Variants in SHPK observed in about 807,000 individuals in gnomAD.
SHPK encodes the protein sedoheptulokinase.
A neutral mutation model predicts 46.3 loss-of-function variants in SHPK; 51 were observed. The observed-to-expected ratio is 1.10, with a 90% CI of 0.88 to 1.39. The LOEUF (loss-of-function observed/expected upper bound fraction) is 1.39. Ranked by LOEUF, SHPK falls within the 40% of genes most tolerant of loss-of-function variation. The probability of loss-of-function intolerance (pLI) is 0.00; values close to 1 mark genes in which losing one functional copy is unlikely to be tolerated. For synonymous variants in SHPK, 290 were observed against 273.9 expected (o/e 1.06, Z -0.58); for missense variants, 668 against 641.3 (o/e 1.04, Z -0.45).
Position 3,623,470 on chromosome 17 carries a change from G to T in SHPK, c.516C>A (p.Tyr172Ter), listed in dbSNP as rs538187992. The T allele has an allele frequency of 1.2e-6, 2 of 1,614,008 alleles. No individual in the cohort carries two copies. Among genetic ancestry groups the T allele is most frequent in the African/African-American group, 2.7e-5 (2 of 74,908 alleles). Residue 172 changes from tyrosine (Y) to a stop codon, truncating the protein, a stop_gained, in exon 4 of 7, where the codon TAC (tyrosine) becomes TAA (stop). Transcript: ENST00000225519. LOFTEE classifies it high-confidence loss of function. ...AGTCGTGGATGGTACCGGCTGCGTC[G>T]TAGGACTTCAGGAACTCTGGGCTGT... ...LKYRPEFLKS[Y>*]DAAGTIHDYV...
chr17:3,636,239 G>A lies in SHPK; in HGVS notation c.-20C>T, dbSNP rs1440740029. 3.2e-6 allele frequency: 5 copies of A among 1,581,424 alleles called. No individual in the cohort carries two copies. The highest frequency in any genetic ancestry group is 4.3e-6 in the Non-Finnish European group (5 of 1,159,158). ...AGCCATTATCTCCCTGACCCGCGCA[G>A]CTCCAGTCTGCAGCCAGCGGCCCCA... On this transcript the variant is annotated 5_prime_UTR_variant, in exon 1 of 7. Transcript: ENST00000225519.
At chr17:3,624,323 T>C in intron 2 of SHPK, 92 bp from the exon 3 acceptor site, 1 of 1,187,334 alleles carries the variant, frequency 8.4e-7, no homozygotes, top group Non-Finnish European at 1.2e-6. Flanking sequence ...AGTGACAAAA[T>C]ATGTGCGAAT....
intron 2 of SHPK, among the ~76,000 whole-genome samples, chr17:3,629,801 C>A (rs541680120): frequency 6.6e-6 from 1 of 151,820 alleles, no homozygotes; most frequent in South Asian, 2.1e-4. Flanking sequence ...ACAAATGTGC[C>A]CCAATTCAAA....
Position 3,630,299 on chromosome 17 carries a change from G to A in SHPK, c.216C>T (p.Cys72=), listed in dbSNP as rs1267719403. ...VSRILQALHE[C]LAALPRPQLR... is the part of the protein sequence containing the mutation. ...GCTGGGGTCGGGGAAGGGCAGCAAG[G>A]CACTCGTGTAGGGCTTGGAGGATTC... The change falls in exon 2 of 7, where the codon TGC becomes TGT. Residue 72 remains cysteine, a synonymous_variant. Coordinates refer to ENST00000225519, the MANE Select transcript of SHPK (RefSeq NM_013276.4). 2 of 1,613,588 alleles carry A rather than the reference G, an allele frequency of 1.2e-6. No homozygotes were observed. The highest frequency in any genetic ancestry group is 3.3e-5 in the Admixed American group (2 of 60,014).
intron 2 of SHPK, among the ~76,000 whole-genome samples, chr17:3,629,387 A>T (rs2150874469): frequency 6.6e-6 from 1 of 152,276 alleles, no homozygotes; most frequent in South Asian, 2.1e-4. Flanking sequence ...GCACTGTGGC[A>T]GATCTTCATA....
chr17:3,618,605 C>A (rs1405774499), intron 5 of SHPK, among the ~76,000 whole-genome samples: 1 of 151,904 alleles, frequency 6.6e-6, no homozygotes, highest in Non-Finnish European at 1.5e-5. Context: ...CATGGTGAAA[C>A]CCTGTCTCTA....
chr17:3,623,273 C>A, intron 4 of SHPK, 66 bp downstream of exon 4: 5 of 1,572,160 alleles, frequency 3.2e-6, no homozygotes, highest in Non-Finnish European at 4.4e-6. Context: ...CCCACTGAAG[C>A]ACTGGCTCCG....
intron 6 of SHPK, among the ~76,000 whole-genome samples, chr17:3,613,376 G>A (rs1204122686): frequency 6.6e-6 from 1 of 152,146 alleles, no homozygotes; most frequent in Non-Finnish European, 1.5e-5. Flanking sequence ...GAGAGTCACT[G>A]AGGAGTCACG....
Position 3,610,581 on chromosome 17 carries a change from G to A in SHPK, c.1416C>T (p.His472=), listed in dbSNP as rs149468147. The change falls in exon 7 of 7, where the codon CAC becomes CAT. Residue 472 remains histidine (H), a synonymous_variant. Transcript: ENST00000225519. ...CTGTCTAAGATTCCTTCTGGTTGAG[G>A]TGTCTCCGGAGCATGACCAGAGCTG... ...VGAALVMLRR[H]LNQKES 15 of 1,601,022 alleles carry A rather than the reference G, an allele frequency of 9.4e-6. No individual in the cohort carries two copies. The African/African-American group carries it at 1.6e-4, about 17-fold the overall frequency.
intron 2 of SHPK, among the ~76,000 whole-genome samples, chr17:3,626,627 C>T (rs1207870774): frequency 6.7e-6 from 1 of 150,150 alleles, no homozygotes; most frequent in East Asian, 2.0e-4. Flanking sequence ...GAGGCTGAGG[C>T]AGGAGAATGG....
intron 2 of SHPK, among the ~76,000 whole-genome samples, chr17:3,626,403 C>G (rs1236571471): frequency 1.3e-5 from 2 of 151,910 alleles, no homozygotes. Flanking sequence ...GATGCTAGTG[C>G]TTCTGTTTGT....
chr17:3,632,633 A>G (rs1234533613), intron 1 of SHPK, among the ~76,000 whole-genome samples: 1 of 152,106 alleles, frequency 6.6e-6, no homozygotes, highest in Admixed American at 6.5e-5. Flanking sequence ...CCCCCAGTGT[A>G]ACAGGAATAG....
chr17:3,609,342 A>AGAGAGAGAGAGAGAGG lies in SHPK; in HGVS notation c.*1217_*1218insCCTCTCTCTCTCTCTC. On this transcript the variant is annotated 3_prime_UTR_variant, in exon 7 of 7. Coordinates refer to ENST00000225519, the MANE Select transcript of SHPK (RefSeq NM_013276.4). ...GATACTGAGAGAGAGAGAGAGAGAG[A>AGAGAGAGAGAGAGAGG]GAGAGAGAATACGACTGCTTCCCAA... The AGAGAGAGAGAGAGAGG allele has an allele frequency of 6.6e-6, 1 of 152,136 alleles. No individual in the cohort carries two copies. The highest frequency in any genetic ancestry group is 2.4e-5 in the African/African-American group (1 of 41,444). 9.4% of individuals were successfully genotyped at this position (152,136 alleles called of 1,614,324 possible).
chr17:3,624,400 C>T (rs762682258), intron 2 of SHPK, among the ~76,000 whole-genome samples, 169 bp from the exon 3 acceptor site: 2 of 152,126 alleles, frequency 1.3e-5, no homozygotes, highest in Admixed American at 6.6e-5. Context: ...TTGGCTCTAC[C>T]ACATAATGAC....
chr17:3,614,207 C>G (rs535596797), intron 6 of SHPK, among the ~76,000 whole-genome samples: 26 of 152,306 alleles, frequency 1.7e-4, no homozygotes, highest in African/African-American at 6.3e-4. Flanking sequence ...CTGGGTTCCA[C>G]CCCGCACCGT....
At chr17:3,630,812 C>T (rs986804810) in intron 1 of SHPK, among the ~76,000 whole-genome samples, 31 of 152,156 alleles carry the variant, frequency 2.0e-4, no homozygotes, top group South Asian at 8.3e-4. Flanking sequence ...TGCGGTGAGC[C>T]GAGATCACGC....
In SHPK at chr17:3,615,383, C is replaced by T; in HGVS notation, c.978G>A (p.Val326=). The change falls in exon 6 of 7, where the codon GTG becomes GTA. Residue 326 remains valine (V), a synonymous_variant. Coordinates refer to ENST00000225519, the MANE Select transcript of SHPK (RefSeq NM_013276.4). The part of the protein sequence containing the change: ...GVAASLNGGN[V]LATFVHMLVQ... ...CCAGCATGTGGACGAACGTGGCCAG[C>T]ACATTGCCCCCGTTGAGTGACGCGG... 1.2e-6 allele frequency: 2 copies of T among 1,614,206 alleles called. No individual in the cohort carries two copies. Among genetic ancestry groups the T allele is most frequent in the Non-Finnish European group, 1.7e-6 (2 of 1,180,026 alleles).
In SHPK at chr17:3,614,146, C is replaced by T. The variant is rs549634436; in HGVS notation, c.1024+1191G>A. On this transcript the variant is annotated intron_variant, in intron 6 of 6. Coordinates refer to ENST00000225519, the MANE Select transcript of SHPK (RefSeq NM_013276.4). ...GAAAACAAAGAAGGGAAGGGACTTG[C>T]CAAGGCCAAATAATGACTCAGGGAC... 3.3e-5 allele frequency among the ~76,000 whole-genome samples: 5 copies of T among 152,326 alleles called. No homozygotes were observed. In the South Asian group the frequency reaches 1.0e-3, roughly 32 times the overall value.
chr17:3,616,389 G>C (rs2075371890), intron 5 of SHPK, among the ~76,000 whole-genome samples: 1 of 152,116 alleles, frequency 6.6e-6, no homozygotes, highest in Non-Finnish European at 1.5e-5. Flanking sequence ...CACGTGCCAG[G>C]GAACTGAGGC....
Sources: gnomAD v4.1 joint callset for allele counts (sites outside exome capture counted in the v4.1 genomes callset) on GRCh38, gnomAD v4.1.1 for gene constraint, MANE v1.5 for transcripts, NCBI Gene and HGNC (gene_info 2026-07-23, HGNC 2026-07-21) for gene names.